CRISPLD2: variants seen among roughly 807,000 people sequenced by gnomAD.
CRISPLD2 encodes the protein cysteine-rich secretory protein LCCL domain-containing 2.
In CRISPLD2, 47 loss-of-function variants were observed where a neutral mutation model predicts 71.1. That is an observed-to-expected ratio of 0.66 (90% CI 0.52 to 0.84). The LOEUF (loss-of-function observed/expected upper bound fraction) is 0.84, where lower values mean the gene tolerates loss of function less well. CRISPLD2 is among the 40% of genes least tolerant of loss of function. The pLI is 0.00. For missense variants in CRISPLD2, 830 were observed against 651.1 expected (o/e 1.27, Z -2.99); for synonymous variants, 317 against 250.1 (o/e 1.27, Z -2.52).
chr16:84,861,312 C>T (rs2143251552), intron 6 of CRISPLD2, among the ~76,000 whole-genome samples: 1 of 152,178 alleles, frequency 6.6e-6, no homozygotes, highest in South Asian at 2.1e-4. Flanking sequence ...TCTAGAGCAA[C>T]AGAACTAATA....
intron 13 of CRISPLD2, 118 bp downstream of exon 13, chr16:84,880,702 A>C: frequency 3.5e-6 from 2 of 577,994 alleles, no homozygotes; most frequent in South Asian, 2.4e-5. Context: ...TAAATTAATT[A>C]ATTAATTAAT....
chr16:84,902,509 C>A (rs995058432), intron 14 of CRISPLD2, among the ~76,000 whole-genome samples: 1 of 151,484 alleles, frequency 6.6e-6, no homozygotes, highest in African/African-American at 2.4e-5. Flanking sequence ...ACTCGGGAGG[C>A]TGAGGCAGGA....
chr16:84,895,896 C>G (rs2071701534), intron 14 of CRISPLD2, among the ~76,000 whole-genome samples: 1 of 152,142 alleles, frequency 6.6e-6, no homozygotes, highest in Non-Finnish European at 1.5e-5. Context: ...ACCCAGTTTA[C>G]AGATGGGGAA....
At chr16:84,832,057 G>C (rs1916502484) in intron 1 of CRISPLD2, among the ~76,000 whole-genome samples, 1 of 152,260 alleles carries the variant, frequency 6.6e-6, no homozygotes, top group Non-Finnish European at 1.5e-5. Context: ...ATTGGATTTT[G>C]TTAAGGTAAA....
chr16:84,852,748 G>A (rs1383271841), intron 5 of CRISPLD2, among the ~76,000 whole-genome samples: 1 of 152,084 alleles, frequency 6.6e-6, no homozygotes, highest in Non-Finnish European at 1.5e-5. Context: ...TGTGTGTGAG[G>A]GAAGGTACTT....
At chr16:84,850,532 C>G (rs751235634) in intron 4 of CRISPLD2, 36 bp from the exon 5 acceptor site, 2 of 1,571,554 alleles carry the variant, frequency 1.3e-6, no homozygotes, top group Admixed American at 1.7e-5. Flanking sequence ...TGTGCCTTAT[C>G]CCTCGAGCTG....
intron 14 of CRISPLD2, among the ~76,000 whole-genome samples, chr16:84,894,793 G>T (rs973794105): frequency 2.0e-5 from 3 of 151,860 alleles, no homozygotes; most frequent in African/African-American, 7.3e-5. Flanking sequence ...TCACCCTTAG[G>T]CACATCTCCA....
intron 14 of CRISPLD2, among the ~76,000 whole-genome samples, chr16:84,902,305 G>T (rs1301489256): frequency 6.6e-6 from 1 of 151,982 alleles, no homozygotes; most frequent in Admixed American, 6.6e-5. Context: ...AAGGCTGCAT[G>T]CAGAGAGTAC....
At chr16:84,896,410 A>T (rs142535217) in intron 14 of CRISPLD2, among the ~76,000 whole-genome samples, 3 of 152,274 alleles carry the variant, frequency 2.0e-5, no homozygotes, top group South Asian at 2.1e-4. Context: ...ACACAGACAC[A>T]TACACATATA....
At chr16:84,854,534 T>C (rs1186755105) in intron 5 of CRISPLD2, among the ~76,000 whole-genome samples, 195 bp from the exon 6 acceptor site, 1 of 152,096 alleles carries the variant, frequency 6.6e-6, no homozygotes, top group Non-Finnish European at 1.5e-5. Flanking sequence ...TCGCTGGGAT[T>C]CTGGAGCTCT....
At chr16:84,823,702 C>T (rs16938) in intron 1 of CRISPLD2, among the ~76,000 whole-genome samples, 4,288 of 152,174 alleles carry the variant, frequency 0.028, 74 homozygotes, top group South Asian at 0.065. Flanking sequence ...ATGGTCCAGC[C>T]CGAGGGAGAT....
chr16:84,832,819 G>A (rs969697268), intron 1 of CRISPLD2, among the ~76,000 whole-genome samples: 1 of 152,212 alleles, frequency 6.6e-6, no homozygotes, highest in Non-Finnish European at 1.5e-5. Flanking sequence ...GGCCAATGAC[G>A]CAATGAGCTT....
intron 4 of CRISPLD2, among the ~76,000 whole-genome samples, chr16:84,850,218 G>A (rs1349070313): frequency 6.6e-6 from 1 of 151,982 alleles, no homozygotes; most frequent in Non-Finnish European, 1.5e-5. Context: ...AGCCTCCTGA[G>A]TAGCTGGGAC....
chr16:84,887,347 C>T (rs2071622222), intron 13 of CRISPLD2, among the ~76,000 whole-genome samples: 1 of 152,180 alleles, frequency 6.6e-6, no homozygotes, highest in South Asian at 2.1e-4. Flanking sequence ...ACCCTTGAAC[C>T]ACAAAGTGCC....
intron 14 of CRISPLD2, among the ~76,000 whole-genome samples, chr16:84,902,570 A>T (rs1007218166): frequency 6.6e-6 from 1 of 150,720 alleles, no homozygotes; most frequent in Non-Finnish European, 1.5e-5. Flanking sequence ...AGATCACGCC[A>T]CTGCACTACA....
At chr16:84,895,567 A>G (rs1245930867) in intron 14 of CRISPLD2, among the ~76,000 whole-genome samples, 1 of 152,126 alleles carries the variant, frequency 6.6e-6, no homozygotes, top group Non-Finnish European at 1.5e-5. Context: ...CAAAACGGAG[A>G]TTGTATTATA....
In CRISPLD2 at chr16:84,861,977, G is replaced by A. The variant is rs114077555; in HGVS notation, c.710-4920G>A. ...GAACAAGAAAGTAAAAGCAAACAACGTGATATTCCAAATGAGCTCACTAGT... is the reference window on the plus strand; with the variant it reads ...GAACAAGAAAGTAAAAGCAAACAACATGATATTCCAAATGAGCTCACTAGT... On this transcript the variant is annotated intron_variant, in intron 6 of 14. Coordinates refer to ENST00000262424, the MANE Select transcript of CRISPLD2 (RefSeq NM_031476.4). 3.4e-3 allele frequency among the ~76,000 whole-genome samples: 515 copies of A among 152,230 alleles called. 1 individual carries two copies. The highest frequency in any genetic ancestry group is 0.012 in the African/African-American group (498 of 41,534).
At chr16:84,829,251 C>T (rs879535841) in intron 1 of CRISPLD2, 1 of 152,292 alleles carries the variant, frequency 6.6e-6, no homozygotes, top group African/African-American at 2.4e-5. Context: ...ACTGTGGCCT[C>T]CCTTGGGTCT....
At chr16:84,890,061 A>G (rs948460064) in intron 14 of CRISPLD2, among the ~76,000 whole-genome samples, 6 of 152,120 alleles carry the variant, frequency 3.9e-5, no homozygotes, top group Non-Finnish European at 7.4e-5. Context: ...ACCTATTGCC[A>G]GTAAGAAGTG....
Sources: gnomAD v4.1 joint callset for allele counts (sites outside exome capture counted in the v4.1 genomes callset) on GRCh38, gnomAD v4.1.1 for gene constraint, MANE v1.5 for transcripts, NCBI Gene and HGNC (gene_info 2026-07-23, HGNC 2026-07-21) for gene names.